RNLS: variants seen among roughly 807,000 people sequenced by gnomAD.
The protein encoded by RNLS is renalase.
RNLS carries 39 observed loss-of-function variants against 39.8 expected under a neutral mutation model. That is an observed-to-expected ratio of 0.98 (90% CI 0.76 to 1.28). RNLS has a LOEUF of 1.28. Ranked by LOEUF, RNLS falls within the 50% of genes most tolerant of loss-of-function variation. RNLS has a pLI of 0.00. For synonymous variants in RNLS, 147 were observed against 150.7 expected (o/e 0.98, Z 0.18); for missense variants, 410 against 413.3 (o/e 0.99, Z 0.07).
chr10:88,472,509 C>T lies in RNLS; in HGVS notation c.526+100394G>A, dbSNP rs954699548. 3.3e-5 allele frequency among the ~76,000 whole-genome samples: 5 copies of T among 151,656 alleles called. No individual in the cohort carries two copies. In the East Asian group the frequency reaches 9.6e-4, roughly 29 times the overall value. ...GCCCAAACAAGACTTCAAGAGTTGCCGAAAATAGGTGGACAAAGGTGAGGG... is the reference window on the plus strand; with the variant it reads ...GCCCAAACAAGACTTCAAGAGTTGCTGAAAATAGGTGGACAAAGGTGAGGG... On this transcript the variant is annotated intron_variant, in intron 4 of 6. Transcript: ENST00000331772.
chr10:88,235,526 A>AT, the RNLS span, among the ~76,000 whole-genome samples: 6 of 152,090 alleles, frequency 3.9e-5, no homozygotes, highest in Non-Finnish European at 5.9e-5. Context: ...AATGAATGGC[A>AT]TTTTTCTGGA....
intron 4 of RNLS, among the ~76,000 whole-genome samples, chr10:88,518,337 C>T (rs1846522254): frequency 6.6e-6 from 1 of 151,520 alleles, no homozygotes; most frequent in Non-Finnish European, 1.5e-5. Flanking sequence ...ATTTTTATTC[C>T]CTACAGTAAA....
chr10:88,350,238 C>T (rs865857317), intron 5 of RNLS, among the ~76,000 whole-genome samples: 7 of 150,522 alleles, frequency 4.7e-5, no homozygotes, highest in African/African-American at 1.7e-4. Context: ...AATATGTATA[C>T]ATTTTTATTA....
intron 4 of RNLS, among the ~76,000 whole-genome samples, chr10:88,492,616 T>C (rs1430142175): frequency 6.6e-6 from 1 of 151,816 alleles, no homozygotes; most frequent in Non-Finnish European, 1.5e-5. Flanking sequence ...ACGGAGATTC[T>C]CTCTGTTGGC....
In RNLS at chr10:88,581,572, T is replaced by A. The variant is rs1850561088; in HGVS notation, c.362A>T (p.Glu121Val). ...AGAGAAAATCTTACTCCCACCTGAT[T>A]CTTTCAAGTAATGCTTAATAATTGA... The part of the protein sequence containing the change: ...ISSIIKHYLK[E>V]SGAEVYFRHR... Residue 121 changes from glutamate (E) to valine (V), a missense_variant, in exon 3 of 7, where the codon GAA becomes GTA. Coordinates refer to ENST00000331772, the MANE Select transcript of RNLS (RefSeq NM_001031709.3). The A allele has an allele frequency of 6.3e-7, 1 of 1,590,826 alleles. No individual in the cohort carries two copies. Among genetic ancestry groups the A allele is most frequent in the African/African-American group, 1.4e-5 (1 of 73,688 alleles).
chr10:88,508,584 T>C (rs1403166943), intron 4 of RNLS, among the ~76,000 whole-genome samples: 1 of 152,166 alleles, frequency 6.6e-6, no homozygotes, highest in East Asian at 1.9e-4. Context: ...GTAATGATGG[T>C]GGCAGTGGCT....
intron 4 of RNLS, among the ~76,000 whole-genome samples, chr10:88,507,691 T>C (rs1276450618): frequency 6.6e-6 from 1 of 152,136 alleles, no homozygotes; most frequent in Non-Finnish European, 1.5e-5. Flanking sequence ...ACATTATAAT[T>C]TGATGTACTG....
chr10:88,242,812 T>A, the RNLS span, among the ~76,000 whole-genome samples: 1 of 152,148 alleles, frequency 6.6e-6, no homozygotes, highest in Non-Finnish European at 1.5e-5. Flanking sequence ...CCAGGCGTGG[T>A]GGTGCATGCC....
chr10:88,546,608 G>A (rs1384717837), intron 4 of RNLS, among the ~76,000 whole-genome samples: 1 of 152,024 alleles, frequency 6.6e-6, no homozygotes, highest in African/African-American at 2.4e-5. Flanking sequence ...CATTATCACT[G>A]GAGAAACTTC....
At chr10:88,343,027 T>C (rs1848066303) in intron 5 of RNLS, among the ~76,000 whole-genome samples, 1 of 152,180 alleles carries the variant, frequency 6.6e-6, no homozygotes, top group African/African-American at 2.4e-5. Context: ...ATCTGGCCTT[T>C]ATAAAACATC....
At chr10:88,425,471 T>C (rs2133781197) in intron 4 of RNLS, among the ~76,000 whole-genome samples, 1 of 152,242 alleles carries the variant, frequency 6.6e-6, no homozygotes, top group Admixed American at 6.5e-5. Context: ...GTACAATGAA[T>C]CTTCCTATTT....
chr10:88,304,967 G>A (rs917843951), intron 6 of RNLS, among the ~76,000 whole-genome samples: 68 of 152,122 alleles, frequency 4.5e-4, no homozygotes, highest in Non-Finnish European at 8.5e-4. Context: ...TCTACAAAGG[G>A]AAATCTATCA....
chr10:88,432,462 T>C (rs182360674), intron 4 of RNLS, among the ~76,000 whole-genome samples: 1 of 152,052 alleles, frequency 6.6e-6, no homozygotes, highest in East Asian at 1.9e-4. Context: ...ACATTTATTG[T>C]CATTGTTGGT....
At chr10:88,451,120 G>C (rs138032862) in intron 4 of RNLS, among the ~76,000 whole-genome samples, 3 of 152,300 alleles carry the variant, frequency 2.0e-5, no homozygotes, top group African/African-American at 7.2e-5. Flanking sequence ...GTGCAAAGAT[G>C]AGGGGCATAG....
chr10:88,440,060 T>C (rs10749585), intron 4 of RNLS, among the ~76,000 whole-genome samples: 44,823 of 152,070 alleles, frequency 0.29, 7,446 homozygotes, highest in African/African-American at 0.46. Flanking sequence ...GCAAGGGCTA[T>C]ATCTTCATCT....
At chr10:88,392,857 C>T (rs112699118) in intron 4 of RNLS, among the ~76,000 whole-genome samples, 2 of 152,132 alleles carry the variant, frequency 1.3e-5, no homozygotes, top group African/African-American at 4.8e-5. Context: ...TGGGCTTCAT[C>T]CCTGGGATGC....
At chr10:88,368,494 C>T (rs908370889) in intron 4 of RNLS, among the ~76,000 whole-genome samples, 1 of 151,948 alleles carries the variant, frequency 6.6e-6, no homozygotes, top group Non-Finnish European at 1.5e-5. Context: ...AAAATATCAC[C>T]ATATTTTCAT....
intron 4 of RNLS, among the ~76,000 whole-genome samples, chr10:88,449,634 C>T (rs1336723057): frequency 6.6e-6 from 1 of 152,088 alleles, no homozygotes; most frequent in Non-Finnish European, 1.5e-5. Flanking sequence ...CAAATCAATC[C>T]AGGTGCTCTG....
chr10:88,286,444 G>T (rs1028069835), intron 6 of RNLS, among the ~76,000 whole-genome samples: 1 of 152,092 alleles, frequency 6.6e-6, no homozygotes, highest in African/African-American at 2.4e-5. Flanking sequence ...TTTGCAGTAA[G>T]GAGAATGAGT....
Sources: allele counts gnomAD v4.1 joint callset (sites outside exome capture counted in the v4.1 genomes callset), GRCh38; gene constraint gnomAD v4.1.1; transcripts MANE v1.5; gene names NCBI Gene and HGNC (gene_info 2026-07-23, HGNC 2026-07-21).